The following GATAD2B variants were observed in gnomAD, a reference collection of about 807,000 sequenced individuals.
The protein encoded by GATAD2B is transcriptional repressor p66-beta.
A neutral mutation model predicts 64.3 loss-of-function variants in GATAD2B; 8 were observed. The observed-to-expected ratio is 0.12, with a 90% CI of 0.07 to 0.22. The LOEUF is 0.22. Among genes scored for constraint, GATAD2B ranks in the 10% least tolerant of loss-of-function variants. The pLI, the probability that GATAD2B is intolerant of heterozygous loss-of-function variation, is 1.00. For synonymous variants in GATAD2B, 281 were observed against 271.3 expected (o/e 1.04, Z -0.35); for missense variants, 453 against 752.0 (o/e 0.60, Z 4.65).
intron 1 of GATAD2B, among the ~76,000 whole-genome samples, chr1:153,907,650 T>G (rs1340563370): frequency 6.6e-6 from 1 of 151,686 alleles, no homozygotes; most frequent in Non-Finnish European, 1.5e-5. Flanking sequence ...TTTTTTTTTT[T>G]TTTTTTGAGA....
intron 1 of GATAD2B, among the ~76,000 whole-genome samples, chr1:153,902,007 A>G (rs1225127362): frequency 1.4e-5 from 2 of 146,594 alleles, no homozygotes; most frequent in African/African-American, 2.5e-5. Context: ...AAGGCCGCGC[A>G]CAGTGGTTCA....
At chr1:153,820,918 A>C (rs2101884485) in intron 2 of GATAD2B, among the ~76,000 whole-genome samples, 1 of 148,350 alleles carries the variant, frequency 6.7e-6, no homozygotes, top group South Asian at 2.1e-4. Flanking sequence ...ATGATCACAG[A>C]TCGCTAGCTG....
intron 10 of GATAD2B, 98 bp from the exon 11 acceptor site, chr1:153,810,408 A>G (rs1674254912): frequency 8.0e-7 from 1 of 1,250,634 alleles, no homozygotes; most frequent in Non-Finnish European, 1.1e-6. Context: ...GATGGAAAGG[A>G]AGCAGAATTT....
intron 1 of GATAD2B, among the ~76,000 whole-genome samples, chr1:153,870,403 C>G (rs1363147432): frequency 6.6e-6 from 1 of 152,122 alleles, no homozygotes; most frequent in African/African-American, 2.4e-5. Context: ...AACCCCGTCT[C>G]TACTAAAAAA....
intron 1 of GATAD2B, among the ~76,000 whole-genome samples, chr1:153,885,649 C>T (rs537575207): frequency 1.4e-4 from 21 of 151,884 alleles, no homozygotes; most frequent in Non-Finnish European, 1.0e-4. Flanking sequence ...GGGTGGATCA[C>T]GAGGAGATTG....
chr1:153,831,780 G>A (rs1675083043), intron 1 of GATAD2B, among the ~76,000 whole-genome samples: 1 of 152,184 alleles, frequency 6.6e-6, no homozygotes, highest in Non-Finnish European at 1.5e-5. Flanking sequence ...ATAAGTGAGA[G>A]CAGTAACTGG....
intron 1 of GATAD2B, among the ~76,000 whole-genome samples, chr1:153,865,560 G>A (rs911784979): frequency 6.6e-6 from 1 of 152,200 alleles, no homozygotes; most frequent in Non-Finnish European, 1.5e-5. Context: ...CAATTCCAAT[G>A]CCAACTACAT....
At chr1:153,844,603 T>A (rs980396986) in intron 1 of GATAD2B, among the ~76,000 whole-genome samples, 2 of 151,706 alleles carry the variant, frequency 1.3e-5, no homozygotes, top group Non-Finnish European at 2.9e-5. Context: ...TGAGTTCATA[T>A]CCTTTGTAGG....
chr1:153,882,338 A>G (rs1677033711), intron 1 of GATAD2B, among the ~76,000 whole-genome samples: 1 of 152,148 alleles, frequency 6.6e-6, no homozygotes. Context: ...CATACTGCCC[A>G]CCAAACTTCT....
intron 1 of GATAD2B, among the ~76,000 whole-genome samples, chr1:153,891,108 T>C (rs947553699): frequency 1.3e-5 from 2 of 151,170 alleles, no homozygotes; most frequent in Non-Finnish European, 2.9e-5. Context: ...TGCTTGAACC[T>C]GGGAGGCGGA....
chr1:153,830,516 C>T (rs1675043165), intron 1 of GATAD2B, among the ~76,000 whole-genome samples: 1 of 135,752 alleles, frequency 7.4e-6, no homozygotes, highest in African/African-American at 2.7e-5. Context: ...CGCTCTGTCG[C>T]CCAGGCTGGA....
chr1:153,846,749 C>T (rs1052857808), intron 1 of GATAD2B, among the ~76,000 whole-genome samples: 4 of 151,418 alleles, frequency 2.6e-5, no homozygotes, highest in African/African-American at 7.3e-5. Flanking sequence ...TTAGTAGAGA[C>T]GGGGTTTCAC....
chr1:153,813,227 C>CA, intron 8 of GATAD2B, 23 bp downstream of exon 8: 1 of 1,595,132 alleles, frequency 6.3e-7, no homozygotes, highest in Non-Finnish European at 8.6e-7. Flanking sequence ...GACAGGTGGC[C>CA]AGTGAGCAGT....
intron 1 of GATAD2B, among the ~76,000 whole-genome samples, chr1:153,878,823 G>C (rs943277445): frequency 1.3e-4 from 19 of 145,150 alleles, no homozygotes; most frequent in African/African-American, 5.0e-4. Flanking sequence ...TGTCGCCCAG[G>C]CTGGAGTGCA....
rs2101868521 is a variant in GATAD2B at position 153,805,561 on chromosome 1, T to C, written c.*4616A>G. The C allele has an allele frequency of 6.6e-6, 1 of 152,274 alleles. No homozygotes were observed. Among genetic ancestry groups the C allele is most frequent in the Admixed American group, 6.5e-5 (1 of 15,290 alleles). 9.4% of individuals were successfully genotyped at this position (152,274 alleles called of 1,614,324 possible). ...AAGGGTAACCATAGAGGACTGGCAG[T>C]TCTCCAAGAGCATTGTCATACACAT... On this transcript the variant is annotated 3_prime_UTR_variant, in exon 11 of 11. Transcript: ENST00000368655.
At position 153,922,942 on chromosome 1, in the gene GATAD2B, C is replaced by T. The variant is rs1678512581; in HGVS notation, c.-211G>A. On this transcript the variant is annotated 5_prime_UTR_variant, in exon 1 of 11. It adds an upstream start codon to the 5' untranslated region. Transcript: ENST00000368655. ...GGCAGCGGCGGCGGCGACGGCTGCA[C>T]CGGCGGCGGCGGCACCACACAAACA... 6.4e-6 allele frequency: 1 copy of T among 156,196 alleles called. No individual in the cohort carries two copies. The highest frequency in any genetic ancestry group is 1.7e-4 in the South Asian group (1 of 5,926). 9.7% of individuals were successfully genotyped at this position (156,196 alleles called of 1,614,324 possible). A position where few individuals can be genotyped will look rare whatever the true frequency, so the allele number is the denominator to read the frequency against.
intron 1 of GATAD2B, among the ~76,000 whole-genome samples, chr1:153,903,244 T>C (rs1440004499): frequency 6.7e-6 from 1 of 149,806 alleles, no homozygotes; most frequent in Non-Finnish European, 1.5e-5. Flanking sequence ...GGTTACAAAG[T>C]AAGCAGCTCT....
intron 1 of GATAD2B, among the ~76,000 whole-genome samples, chr1:153,891,574 T>TTAAAA (rs1173778741): frequency 5.0e-5 from 1 of 19,944 alleles, no homozygotes; most frequent in East Asian, 2.0e-3. Context: ...CTGTCTCGTT[T>TTAAAA]AAAAAAAAAA....
intron 1 of GATAD2B, among the ~76,000 whole-genome samples, chr1:153,876,227 CA>C (rs71093296): frequency 2.4e-3 from 117 of 48,382 alleles, no homozygotes; most frequent in South Asian, 0.013. Context: ...GACTTCGTCT[CA>C]AAAAAAAAAA....
Sources: allele counts gnomAD v4.1 joint callset (sites outside exome capture counted in the v4.1 genomes callset), GRCh38; gene constraint gnomAD v4.1.1; transcripts MANE v1.5; gene names NCBI Gene and HGNC (gene_info 2026-07-23, HGNC 2026-07-21).